Variants in EFR3A observed in about 807,000 individuals in gnomAD.
EFR3A encodes EFR3 homolog A, also known as protein EFR3 homolog A.
In EFR3A, 76 loss-of-function variants were observed where a neutral mutation model predicts 104.4. The ratio of observed to expected loss-of-function variants is 0.73; its 90% CI spans 0.60 to 0.88. EFR3A has a LOEUF of 0.88. Ranked by LOEUF, EFR3A falls within the 40% of genes least tolerant of loss-of-function variation. The pLI is 0.00. For synonymous variants in EFR3A, 330 were observed against 330.0 expected (o/e 1.00, Z 0.00); for missense variants, 985 against 1,012.5 (o/e 0.97, Z 0.37).
intron 1 of EFR3A, among the ~76,000 whole-genome samples, chr8:131,914,505 G>A (rs1156578493): frequency 2.6e-5 from 4 of 152,176 alleles, no homozygotes; most frequent in Non-Finnish European, 5.9e-5. Flanking sequence ...CCCAAGGGAA[G>A]CTTGAGCTTT....
chr8:131,996,577 A>G, intron 19 of EFR3A, 80 bp downstream of exon 19: 1 of 696,018 alleles, frequency 1.4e-6, no homozygotes. Flanking sequence ...CACACTTTCG[A>G]ACAGGAGGAA....
intron 4 of EFR3A, among the ~76,000 whole-genome samples, chr8:131,947,434 C>T (rs1818494416): frequency 2.0e-5 from 3 of 151,530 alleles, no homozygotes; most frequent in African/African-American, 4.8e-5. Context: ...ATATGATTTG[C>T]AGATATCTTC....
At chr8:131,993,535 TG>T (rs568608347) in intron 18 of EFR3A, among the ~76,000 whole-genome samples, 191 of 152,312 alleles carry the variant, frequency 1.3e-3, no homozygotes, top group African/African-American at 4.4e-3. Flanking sequence ...TGCTGATTGC[TG>T]TTAATTCTTC....
chr8:132,002,526 T>G, intron 20 of EFR3A, 77 bp from the exon 21 acceptor site: 1 of 1,196,650 alleles, frequency 8.4e-7, no homozygotes, highest in Non-Finnish European at 1.2e-6. Context: ...GATATATCAT[T>G]AACTCTTAAC....
chr8:131,940,415 C>T lies in EFR3A; in HGVS notation c.11-84C>T, dbSNP rs1195220074. 1.1e-5 allele frequency: 14 copies of T among 1,253,552 alleles called. 1 individual carries two copies. In the Admixed American group the frequency reaches 2.2e-4, roughly 20 times the overall value. 77.7% of individuals were successfully genotyped at this position (1,253,552 alleles called of 1,614,324 possible). A position where few individuals can be genotyped will look rare whatever the true frequency, so the allele number is the denominator to read the frequency against. On this transcript the variant is annotated intron_variant, in intron 1 of 22. Transcript: ENST00000254624. ...TTTGAACTTTGTATTTTATATAGCC[C>T]ATTAATATTCAGAAACTTGAATTTC...
chr8:131,955,738 T>C, intron 6 of EFR3A, 30 bp from the exon 7 acceptor site: 1 of 1,588,188 alleles, frequency 6.3e-7, no homozygotes, highest in Non-Finnish European at 8.6e-7. Context: ...AAAATTCTTG[T>C]GTTTTTCTTT....
At chr8:131,924,944 GT>G (rs1212060972) in intron 1 of EFR3A, among the ~76,000 whole-genome samples, 8 of 151,780 alleles carry the variant, frequency 5.3e-5, no homozygotes, top group African/African-American at 1.9e-4. Context: ...TTCCATTAAG[GT>G]TTTTTTCTTT....
chr8:132,003,636 C>T (rs920007782), intron 22 of EFR3A, among the ~76,000 whole-genome samples: 13 of 152,172 alleles, frequency 8.5e-5, no homozygotes, highest in African/African-American at 2.9e-4. Context: ...TTTTGTCCTG[C>T]AGAAACTGCA....
At chr8:131,932,337 GT>G (rs1198626746) in intron 1 of EFR3A, among the ~76,000 whole-genome samples, 5 of 152,100 alleles carry the variant, frequency 3.3e-5, no homozygotes, top group African/African-American at 1.2e-4. Context: ...GTGACAGACA[GT>G]TCCTGGGCCA....
chr8:131,981,044 T>C (rs941832742), intron 14 of EFR3A, among the ~76,000 whole-genome samples: 69 of 60,206 alleles, frequency 1.1e-3, no homozygotes, highest in East Asian at 3.9e-3. Flanking sequence ...TATATATATA[T>C]ACACACACTA....
intron 3 of EFR3A, 60 bp from the exon 4 acceptor site, chr8:131,946,423 G>A: frequency 7.1e-7 from 1 of 1,401,334 alleles, no homozygotes. Context: ...CCAATGTAAA[G>A]CACTTAGGAG....
chr8:131,966,097 A>T (rs1206131630), intron 8 of EFR3A, among the ~76,000 whole-genome samples: 1 of 152,202 alleles, frequency 6.6e-6, no homozygotes, highest in African/African-American at 2.4e-5. Context: ...GCATTAGGAG[A>T]TATACCTAAC....
Position 132,012,579 on chromosome 8 carries a change from T to C in EFR3A, c.*1684T>C, listed in dbSNP as rs1283957801. On this transcript the variant is annotated 3_prime_UTR_variant, in exon 23 of 23. Coordinates refer to ENST00000254624, the MANE Select transcript of EFR3A (RefSeq NM_015137.6). ...TGCTTCACCAGTCCGTAAAGCCAAG[T>C]TGTATTTTTTTAATTGCCCTTTTTT... The C allele has an allele frequency of 6.6e-6, 1 of 152,526 alleles. No individual in the cohort carries two copies. Among genetic ancestry groups the C allele is most frequent in the Non-Finnish European group, 1.5e-5 (1 of 68,006 alleles). 9.4% of individuals were successfully genotyped at this position (152,526 alleles called of 1,614,324 possible). A position where few individuals can be genotyped will look rare whatever the true frequency, so the allele number is the denominator to read the frequency against.
At chr8:131,953,716 A>G in intron 5 of EFR3A, 102 bp from the exon 6 acceptor site, 3 of 1,066,864 alleles carry the variant, frequency 2.8e-6, no homozygotes, top group Non-Finnish European at 3.8e-6. Context: ...TATTGATAAG[A>G]TAACAGTATT....
intron 8 of EFR3A, among the ~76,000 whole-genome samples, chr8:131,964,155 C>G (rs1220143276): frequency 2.0e-5 from 3 of 151,828 alleles, no homozygotes; most frequent in Non-Finnish European, 4.4e-5. Context: ...CCTTTGAAAA[C>G]TGGCACAAGA....
chr8:131,979,277 T>C, intron 13 of EFR3A, 69 bp from the exon 14 acceptor site: 1 of 1,229,500 alleles, frequency 8.1e-7, no homozygotes, highest in Non-Finnish European at 1.1e-6. Context: ...AAATACAATT[T>C]TCCATATAAG....
At chr8:131,936,062 A>T (rs189790642) in intron 1 of EFR3A, among the ~76,000 whole-genome samples, 4 of 152,160 alleles carry the variant, frequency 2.6e-5, no homozygotes, top group Admixed American at 2.6e-4. Context: ...TTCTCTATGC[A>T]GCTGCTCAAG....
chr8:131,943,123 G>A (rs905894119), intron 2 of EFR3A, among the ~76,000 whole-genome samples: 3 of 152,058 alleles, frequency 2.0e-5, no homozygotes, highest in Admixed American at 1.3e-4. Context: ...GCTCACTGGA[G>A]CATTTTGGAT....
intron 1 of EFR3A, among the ~76,000 whole-genome samples, chr8:131,934,929 AT>A (rs1319361561): frequency 6.6e-6 from 1 of 152,180 alleles, no homozygotes; most frequent in African/African-American, 2.4e-5. Flanking sequence ...TTGTTCTGAC[AT>A]CAACTGAATG....
Sources: gnomAD v4.1 joint callset for allele counts (sites outside exome capture counted in the v4.1 genomes callset) on GRCh38, gnomAD v4.1.1 for gene constraint, MANE v1.5 for transcripts, NCBI Gene and HGNC (gene_info 2026-07-23, HGNC 2026-07-21) for gene names.